MINDY2: variants seen among roughly 807,000 people sequenced by gnomAD.
The protein encoded by MINDY2 is MINDY lysine 48 deubiquitinase 2, also known as ubiquitin carboxyl-terminal hydrolase MINDY-2.
In MINDY2, 52 loss-of-function variants were observed where a neutral mutation model predicts 68.2. The observed-to-expected ratio is 0.76, with a 90% CI of 0.61 to 0.96. The LOEUF is 0.96. Among genes scored for constraint, MINDY2 ranks in the 40% least tolerant of loss-of-function variants. The probability of loss-of-function intolerance (pLI) is 0.00; values close to 1 mark genes in which losing one functional copy is unlikely to be tolerated. For synonymous variants in MINDY2, 372 were observed against 303.0 expected, an observed-to-expected ratio of 1.23 and a Z score of -2.36; for missense variants, 881 against 773.4, an observed-to-expected ratio of 1.14 and a Z score of -1.65.
In MINDY2 at chr15:58,771,354, A is replaced by C; in HGVS notation, c.-42A>C. 1 of 1,569,480 alleles carries C rather than the reference A, an allele frequency of 6.4e-7. No homozygotes were observed. The highest frequency in any genetic ancestry group is 2.4e-5 in the East Asian group (1 of 42,368). ...GCGTCCAAGGCGCTGGCTGCGGAGA[A>C]GTGGCCGCGGTCTCCATAGAGCTGG... On this transcript the variant is annotated 5_prime_UTR_variant, in exon 1 of 9. Transcript: ENST00000559228.
chr15:58,774,954 C>T (rs1900687986), intron 1 of MINDY2, among the ~76,000 whole-genome samples: 1 of 151,938 alleles, frequency 6.6e-6, no homozygotes, highest in Non-Finnish European at 1.5e-5. Context: ...TTTTTTTCTC[C>T]AGCCTGTTGA....
At chr15:58,838,417 T>C (rs1223874959) in intron 6 of MINDY2, among the ~76,000 whole-genome samples, 1 of 151,618 alleles carries the variant, frequency 6.6e-6, no homozygotes, top group Non-Finnish European at 1.5e-5. Context: ...AAAAAAGATA[T>C]ACTTTCAGCA....
intron 4 of MINDY2, chr15:58,815,612 G>A (rs1411499175): frequency 6.6e-6 from 1 of 152,254 alleles, no homozygotes; most frequent in African/African-American, 2.4e-5. Flanking sequence ...GCCTCCCAAA[G>A]TGCTGCATTA....
chr15:58,852,440 T>C (rs1266336521), intron 8 of MINDY2, among the ~76,000 whole-genome samples: 1 of 152,186 alleles, frequency 6.6e-6, no homozygotes, highest in African/African-American at 2.4e-5. Flanking sequence ...TTTAGTAAAA[T>C]GTTTTCTCCT....
chr15:58,814,670 C>A (rs1433428224), intron 4 of MINDY2, among the ~76,000 whole-genome samples: 1 of 151,956 alleles, frequency 6.6e-6, no homozygotes. Context: ...CATGTCCAGC[C>A]CTTTTCCCCA....
chr15:58,831,041 GTA>G (rs61211927), intron 5 of MINDY2, among the ~76,000 whole-genome samples: 1,377 of 124,772 alleles, frequency 0.011, 39 homozygotes, highest in African/African-American at 0.037. Flanking sequence ...GTGTGTGTGT[GTA>G]TATATATATA....
At chr15:58,778,339 T>C (rs1345212146) in intron 1 of MINDY2, among the ~76,000 whole-genome samples, 1 of 152,170 alleles carries the variant, frequency 6.6e-6, no homozygotes, top group Non-Finnish European at 1.5e-5. Context: ...GGGAATTCTT[T>C]TCCCAATTTT....
intron 1 of MINDY2, among the ~76,000 whole-genome samples, chr15:58,783,458 A>G (rs1397540303): frequency 1.3e-5 from 2 of 152,160 alleles, no homozygotes; most frequent in Admixed American, 6.5e-5. Context: ...AGTCCCCTGC[A>G]TTTATCTTTT....
intron 7 of MINDY2, among the ~76,000 whole-genome samples, chr15:58,851,318 A>G (rs1198311382): frequency 6.6e-6 from 1 of 152,218 alleles, no homozygotes; most frequent in Non-Finnish European, 1.5e-5. Flanking sequence ...AAATAAGTTC[A>G]TAGCTCCCCA....
At chr15:58,814,680 A>AT (rs1455734741) in intron 4 of MINDY2, among the ~76,000 whole-genome samples, 1 of 146,718 alleles carries the variant, frequency 6.8e-6, no homozygotes, top group African/African-American at 2.5e-5. Flanking sequence ...CCTTTTCCCC[A>AT]TTTTTTTTAT....
intron 5 of MINDY2, among the ~76,000 whole-genome samples, chr15:58,828,496 A>G (rs1436576498): frequency 2.6e-5 from 4 of 151,606 alleles, no homozygotes; most frequent in African/African-American, 9.7e-5. Context: ...TCTTTAAGGC[A>G]TTCATCACTT....
Position 58,831,721 on chromosome 15 carries a change from C to G in MINDY2, c.1226-53C>G, listed in dbSNP as rs1017621594. On this transcript the variant is annotated intron_variant, in intron 5 of 8. Coordinates refer to ENST00000559228, the MANE Select transcript of MINDY2 (RefSeq NM_001040450.3). ...CACACTTTAAATAGAAAAAGAATAA[C>G]TTTTTGATTTTGAAATTATTCTTCT... 8.6e-6 allele frequency: 13 copies of G among 1,515,968 alleles called. No homozygotes were observed. In the African/African-American group the frequency reaches 1.7e-4, roughly 20 times the overall value. The allele number at this position is 1,515,968 out of a possible 1,614,324, so 93.9% of individuals were successfully genotyped here. A position where few individuals can be genotyped will look rare whatever the true frequency, so the allele number is the denominator to read the frequency against.
chr15:58,776,002 C>G (rs1425754086), intron 1 of MINDY2, among the ~76,000 whole-genome samples: 1 of 151,766 alleles, frequency 6.6e-6, no homozygotes, highest in Non-Finnish European at 1.5e-5. Context: ...AGCTGGAATA[C>G]AGATGTGTGC....
intron 7 of MINDY2, among the ~76,000 whole-genome samples, chr15:58,851,469 C>G (rs528762255): frequency 1.0e-3 from 155 of 151,844 alleles, no homozygotes; most frequent in South Asian, 1.5e-3. Context: ...GACAGGGTCT[C>G]TCTCTGTCAC....
chr15:58,795,553 T>C (rs1229035218), intron 2 of MINDY2, among the ~76,000 whole-genome samples: 11 of 151,976 alleles, frequency 7.2e-5, no homozygotes, highest in South Asian at 4.1e-4. Context: ...TACAGGCGCC[T>C]GCCACCACGC....
intron 2 of MINDY2, among the ~76,000 whole-genome samples, chr15:58,793,000 C>T (rs1186729272): frequency 6.6e-6 from 1 of 151,610 alleles, no homozygotes; most frequent in African/African-American, 2.4e-5. Flanking sequence ...AGAACCTTAT[C>T]TCTAAAAAAT....
chr15:58,844,462 G>T (rs796869478), intron 6 of MINDY2, among the ~76,000 whole-genome samples: 2 of 151,304 alleles, frequency 1.3e-5, no homozygotes, highest in African/African-American at 4.9e-5. Context: ...TGAGGCGGGA[G>T]AATGGGGTGA....
chr15:58,823,160 G>A (rs1463081565), intron 5 of MINDY2, among the ~76,000 whole-genome samples: 9 of 139,112 alleles, frequency 6.5e-5, no homozygotes, highest in Non-Finnish European at 9.2e-5. Context: ...TTTTTGATAC[G>A]GAGTTTCACT....
chr15:58,779,561 AG>A (rs1220924600), intron 1 of MINDY2, among the ~76,000 whole-genome samples: 1 of 152,256 alleles, frequency 6.6e-6, no homozygotes, highest in Non-Finnish European at 1.5e-5. Context: ...CTTATAAAAA[AG>A]GAAAAACAGA....
Sources: allele counts gnomAD v4.1 joint callset (sites outside exome capture counted in the v4.1 genomes callset), GRCh38; gene constraint gnomAD v4.1.1; transcripts MANE v1.5; gene names NCBI Gene and HGNC (gene_info 2026-07-23, HGNC 2026-07-21).